SLC12A9: variants seen among roughly 807,000 people sequenced by gnomAD.
SLC12A9 encodes solute carrier family 12 member 9, also known as CCC-interacting protein 1.
SLC12A9 carries 55 observed loss-of-function variants against 66.0 expected under a neutral mutation model. That is an observed-to-expected ratio of 0.83 (90% CI 0.67 to 1.04). SLC12A9 has a LOEUF of 1.04. SLC12A9 is among the 50% of genes least tolerant of loss of function. The pLI, the probability that SLC12A9 is intolerant of heterozygous loss-of-function variation, is 0.00. For missense variants in SLC12A9, 1,061 were observed against 1,241.9 expected (o/e 0.85, Z 2.19); for synonymous variants, 577 against 569.0 (o/e 1.01, Z -0.20).
intron 1 of SLC12A9, among the ~76,000 whole-genome samples, chr7:100,832,650 A>C (rs760575597): frequency 6.6e-6 from 1 of 152,216 alleles, no homozygotes; most frequent in Non-Finnish European, 1.5e-5. Context: ...TTCCAGGGCT[A>C]TATCAGTCTT....
chr7:100,847,170 G>A (rs112359589), intron 1 of SLC12A9, among the ~76,000 whole-genome samples: 144 of 152,312 alleles, frequency 9.5e-4, no homozygotes, highest in African/African-American at 3.3e-3. Context: ...TTTTGTCTGC[G>A]GCTCGTCCTG....
upstream of SLC12A9, among the ~76,000 whole-genome samples, chr7:100,849,347 C>G (rs1294143137): frequency 6.6e-6 from 1 of 151,726 alleles, no homozygotes; most frequent in Non-Finnish European, 1.5e-5. Flanking sequence ...CAGATTCACT[C>G]TAAACTGGGC....
intron 1 of SLC12A9, among the ~76,000 whole-genome samples, chr7:100,827,738 C>G (rs917506609): frequency 6.6e-6 from 1 of 152,152 alleles, no homozygotes; most frequent in African/African-American, 2.4e-5. Flanking sequence ...GTGAGGAACC[C>G]CGGGACCGCC....
In SLC12A9 at chr7:100,835,421, G is replaced by A. The variant is rs150674733; in HGVS notation, n.228+8374G>A. On this transcript the variant is annotated intron_variant and non_coding_transcript_variant, in intron 1 of 1. Transcript: ENST00000461016. The stretch of plus-strand genomic sequence containing the variant: ...AATCCCAGCACTTTGGGAAGCCGAG[G>A]TGGGCAGATCCCGAGGTCAAGAGAT... Among the ~76,000 whole-genome samples the A allele has an allele frequency of 1.4e-3, 211 of 151,246 alleles. 7 individuals are homozygous for A. The East Asian group carries it at 0.038, about 27-fold the overall frequency.
intron 1 of SLC12A9, 54 bp from the exon 2 acceptor site, chr7:100,854,102 G>A: frequency 1.7e-6 from 2 of 1,177,142 alleles, no homozygotes; most frequent in Non-Finnish European, 1.2e-6. Context: ...GTGGTCTTTG[G>A]GGGTGGGCGA....
In SLC12A9 at chr7:100,859,031, C is replaced by T. The variant is rs1814576128; in HGVS notation, c.866-19C>T. 1 of 1,612,026 alleles carries T rather than the reference C, an allele frequency of 6.2e-7. No homozygotes were observed. Among genetic ancestry groups the T allele is most frequent in the Non-Finnish European group, 8.5e-7 (1 of 1,179,104 alleles). On this transcript the variant is annotated intron_variant, in intron 6 of 13. Transcript: ENST00000354161. ...ATGGCTGGAGGGCTGACCTCACTCCCTCTGCTCCCCCTCTCCAGGGGAGCT... is the reference window on the plus strand; with the variant it reads ...ATGGCTGGAGGGCTGACCTCACTCCTTCTGCTCCCCCTCTCCAGGGGAGCT...
At chr7:100,862,268 C>CT (rs1562995340) in intron 12 of SLC12A9, among the ~76,000 whole-genome samples, 2 of 151,352 alleles carry the variant, frequency 1.3e-5, no homozygotes, top group African/African-American at 2.4e-5. Flanking sequence ...CCCTCCCCCG[C>CT]TTTTTTTTGA....
In SLC12A9 at chr7:100,862,826, C is replaced by T. The variant is rs751075913; in HGVS notation, c.1857C>T (p.Leu619=). Residue 619 remains leucine (L), a splice_region_variant and synonymous_variant, in exon 13 of 14, where the codon CTC becomes CTT. Coordinates refer to ENST00000354161, the MANE Select transcript of SLC12A9 (RefSeq NM_020246.4). The stretch of plus-strand genomic sequence containing the variant: ...AGCATCTGCTGCGAATCTCCGGCCT[C>T]GGTGAGCTGCTTCTCCCTGGATGCC... ...GAQHLLRISG[L]GGMKPNTLVL... is the part of the protein sequence containing the mutation. 4 of 1,614,044 alleles carry T rather than the reference C, an allele frequency of 2.5e-6. No homozygotes were observed. Among genetic ancestry groups the T allele is most frequent in the Admixed American group, 1.7e-5 (1 of 60,026 alleles).
chr7:100,832,155 G>A lies in SLC12A9; in HGVS notation n.228+5108G>A, dbSNP rs558268514. Among the ~76,000 whole-genome samples the A allele has an allele frequency of 1.6e-4, 25 of 152,170 alleles. No homozygotes were observed. In the East Asian group the frequency reaches 3.9e-3, roughly 24 times the overall value. On this transcript the variant is annotated intron_variant and non_coding_transcript_variant, in intron 1 of 1. Coordinates refer to the SLC12A9 transcript ENST00000461016. ...GCGGAGGTTGCAGTGAGCCGAGATC[G>A]CGCCACTGCACTCCAGCCTGGCAAC... is the stretch of plus-strand genomic sequence containing the variant.
At chr7:100,852,135 C>G (rs986722864), upstream of SLC12A9, among the ~76,000 whole-genome samples, 2 of 152,180 alleles carry the variant, frequency 1.3e-5, no homozygotes, top group Non-Finnish European at 2.9e-5. Context: ...GAGAACACTG[C>G]AGGGAGGCAA....
At chr7:100,860,851 C>A in intron 9 of SLC12A9, 1 of 517,416 alleles carries the variant, frequency 1.9e-6, no homozygotes, top group South Asian at 1.8e-5. Context: ...GGTACACTGG[C>A]ACTTTCTGGG....
intron 1 of SLC12A9, among the ~76,000 whole-genome samples, chr7:100,845,210 G>A (rs1047998645): frequency 1.3e-5 from 2 of 150,610 alleles, no homozygotes; most frequent in Non-Finnish European, 3.0e-5. Flanking sequence ...CCAAAGTTGC[G>A]GACCGTTTAG....
upstream of SLC12A9, among the ~76,000 whole-genome samples, chr7:100,850,448 C>T (rs1294287430): frequency 6.6e-6 from 1 of 151,854 alleles, no homozygotes; most frequent in Non-Finnish European, 1.5e-5. Flanking sequence ...CTGTGTTGCC[C>T]AGGCTGGTCT....
intron 2 of SLC12A9, 71 bp downstream of exon 2, chr7:100,854,449 G>A: frequency 2.5e-6 from 4 of 1,596,550 alleles, no homozygotes; most frequent in South Asian, 1.1e-5. Context: ...GGTGGAGATG[G>A]GACTGGGATA....
rs34743877 is a variant in SLC12A9 at position 100,828,551 on chromosome 7, CAAAAAAA to C, written n.228+1522_228+1528del. Among the ~76,000 whole-genome samples, 319 of 40,660 alleles carry C rather than the reference CAAAAAAA, an allele frequency of 7.8e-3. 4 individuals are homozygous for C. Among genetic ancestry groups the C allele is most frequent in the African/African-American group, 0.031 (294 of 9,570 alleles). The allele number at this position is 40,660 out of a possible 152,430, so 26.7% of individuals were successfully genotyped here. ...TGGGCTACAGAGTGAGACGAAATCT[CAAAAAAA>C]AAAAAAAAAAAAAAAAAGGTGGGTG... On this transcript the variant is annotated intron_variant and non_coding_transcript_variant, in intron 1 of 1. Coordinates refer to the SLC12A9 transcript ENST00000461016.
intron 13 of SLC12A9, among the ~76,000 whole-genome samples, chr7:100,865,119 G>A (rs1407706542): frequency 2.0e-5 from 3 of 152,116 alleles, no homozygotes; most frequent in African/African-American, 2.4e-5. Flanking sequence ...CACAATGCCC[G>A]GCTAATTTTT....
chr7:100,838,264 G>A (rs984569459), intron 1 of SLC12A9, among the ~76,000 whole-genome samples: 3 of 152,164 alleles, frequency 2.0e-5, no homozygotes, highest in Admixed American at 1.3e-4. Context: ...ACCTTCCAAA[G>A]CATTGGGAGT....
intron 1 of SLC12A9, among the ~76,000 whole-genome samples, chr7:100,835,478 C>T (rs1167046073): frequency 1.3e-5 from 2 of 151,160 alleles, no homozygotes; most frequent in Admixed American, 6.6e-5. Flanking sequence ...GGTGAAACCC[C>T]GTCTCTACTA....
chr7:100,841,300 A>G (rs1701231334), intron 1 of SLC12A9, among the ~76,000 whole-genome samples: 1 of 152,026 alleles, frequency 6.6e-6, no homozygotes, highest in South Asian at 2.1e-4. Context: ...AGGCCTCCTG[A>G]ATGTAAAACT....
Sources: gnomAD v4.1 joint callset for allele counts (sites outside exome capture counted in the v4.1 genomes callset) on GRCh38, gnomAD v4.1.1 for gene constraint, MANE v1.5 for transcripts, NCBI Gene and HGNC (gene_info 2026-07-23, HGNC 2026-07-21) for gene names.